Variants in LDB2 observed in about 807,000 individuals in gnomAD.
The protein encoded by LDB2 is LIM domain binding 2.
In LDB2, 12 loss-of-function variants were observed where a neutral mutation model predicts 44.3. The ratio of observed to expected loss-of-function variants is 0.27; its 90% confidence interval spans 0.17 to 0.44. LDB2 has a LOEUF of 0.44. LDB2 is among the 20% of genes least tolerant of loss of function. The probability of loss-of-function intolerance (pLI) is 1.00; values close to 1 mark genes in which losing one functional copy is unlikely to be tolerated. For missense variants in LDB2, 344 were observed against 473.5 expected (o/e 0.73, Z 2.54); for synonymous variants, 164 against 174.8 (o/e 0.94, Z 0.49).
chr4:16,865,409 G>A (rs940132117), intron 1 of LDB2, among the ~76,000 whole-genome samples: 13 of 152,136 alleles, frequency 8.5e-5, no homozygotes, highest in African/African-American at 2.7e-4. Context: ...GCATGGGAAC[G>A]TTCCCTGCGA....
intron 2 of LDB2, among the ~76,000 whole-genome samples, chr4:16,643,751 G>A (rs796419243): frequency 1.4e-4 from 17 of 124,522 alleles, no homozygotes; most frequent in African/African-American, 6.2e-4. Context: ...CGTAATTAAC[G>A]TTGTTTAAAT....
intron 3 of LDB2, among the ~76,000 whole-genome samples, chr4:16,591,682 T>C (rs1719011236): frequency 6.6e-6 from 1 of 152,170 alleles, no homozygotes; most frequent in African/African-American, 2.4e-5. Flanking sequence ...GGCTTTGTGA[T>C]TTGTTTTACA....
intron 2 of LDB2, among the ~76,000 whole-genome samples, chr4:16,675,356 T>C (rs1321471034): frequency 1.3e-5 from 2 of 152,214 alleles, no homozygotes; most frequent in African/African-American, 4.8e-5. Flanking sequence ...TGTCCTCATG[T>C]GACTTCAATA....
At chr4:16,778,913 G>GC (rs1385914744) in intron 1 of LDB2, among the ~76,000 whole-genome samples, 1 of 152,136 alleles carries the variant, frequency 6.6e-6, no homozygotes, top group Non-Finnish European at 1.5e-5. Flanking sequence ...TGGTTTAAGG[G>GC]CCCTTCCAGT....
chr4:16,710,985 C>G (rs1755741295), intron 2 of LDB2, among the ~76,000 whole-genome samples: 1 of 152,208 alleles, frequency 6.6e-6, no homozygotes, highest in Admixed American at 6.5e-5. Context: ...CCCCACAAAT[C>G]TAAGGTATTC....
At chr4:16,800,013 C>T (rs761046815) in intron 1 of LDB2, among the ~76,000 whole-genome samples, 1 of 151,686 alleles carries the variant, frequency 6.6e-6, no homozygotes, top group Non-Finnish European at 1.5e-5. Context: ...TATTATATAC[C>T]GAGGCCCAGT....
chr4:16,626,030 G>A (rs1469568426), intron 2 of LDB2, among the ~76,000 whole-genome samples: 1 of 152,168 alleles, frequency 6.6e-6, no homozygotes, highest in Non-Finnish European at 1.5e-5. Flanking sequence ...AAGGCCACTA[G>A]GTAGAGGGCA....
At chr4:16,767,259 A>G (rs962573194) in intron 1 of LDB2, among the ~76,000 whole-genome samples, 1 of 152,238 alleles carries the variant, frequency 6.6e-6, no homozygotes, top group African/African-American at 2.4e-5. Context: ...AAAAAGATGC[A>G]AAAATGGAGT....
chr4:16,682,980 T>C (rs939974161), intron 2 of LDB2, among the ~76,000 whole-genome samples: 5 of 152,242 alleles, frequency 3.3e-5, no homozygotes, highest in Admixed American at 6.5e-5. Flanking sequence ...CTCTGGGACA[T>C]GTCCTTTAAT....
chr4:16,654,446 C>T (rs931834146), intron 2 of LDB2, among the ~76,000 whole-genome samples: 2 of 152,160 alleles, frequency 1.3e-5, no homozygotes, highest in Non-Finnish European at 2.9e-5. Context: ...CAGCCCCATC[C>T]TTATGGAGTT....
At chr4:16,690,481 G>GGAAGGAA (rs1404978312) in intron 2 of LDB2, among the ~76,000 whole-genome samples, 1 of 17,078 alleles carries the variant, frequency 5.9e-5, no homozygotes, top group Non-Finnish European at 1.6e-4. Flanking sequence ...AAGGAAGGAA[G>GGAAGGAA]GGAGGGAGGG....
chr4:16,820,204 A>G (rs1781680861), intron 1 of LDB2, among the ~76,000 whole-genome samples: 1 of 152,172 alleles, frequency 6.6e-6, no homozygotes, highest in Admixed American at 6.5e-5. Flanking sequence ...AGACTTTTAA[A>G]TTTCTTTTCT....
chr4:16,821,382 T>TAC (rs201172229), intron 1 of LDB2, among the ~76,000 whole-genome samples: 1 of 21,664 alleles, frequency 4.6e-5, no homozygotes. Context: ...TTGAATTTTT[T>TAC]TTTTATTTTT....
intron 2 of LDB2, among the ~76,000 whole-genome samples, chr4:16,659,505 TTTTAA>T (rs754345649): frequency 5.4e-4 from 82 of 152,160 alleles, no homozygotes; most frequent in Admixed American, 3.1e-3. Flanking sequence ...GTTTTCTAAC[TTTTAA>T]TTTGTTTTAA....
chr4:16,760,286 TCTCTTCTTCCC>T (rs1220542629), intron 1 of LDB2, among the ~76,000 whole-genome samples: 1 of 152,174 alleles, frequency 6.6e-6, no homozygotes, highest in African/African-American at 2.4e-5. Flanking sequence ...ACCACAAGCC[TCTCTTCTTCCC>T]ATTAAGTTGC....
intron 2 of LDB2, among the ~76,000 whole-genome samples, chr4:16,637,098 T>C (rs1480454397): frequency 6.6e-6 from 1 of 152,160 alleles, no homozygotes; most frequent in Admixed American, 6.5e-5. Flanking sequence ...ACTGTCTTCT[T>C]GCTGTAAATC....
At position 16,627,090 on chromosome 4, in the gene LDB2, C is replaced by A. The variant is rs566129714; in HGVS notation, c.236-31215G>T. On this transcript the variant is annotated intron_variant, in intron 2 of 7. Transcript: ENST00000304523. ...CCACTCTCAACGCCTCCTTCCCCAA[C>A]GGCTGCATATTCATAGTCAGGGCTT... 4 of 152,206 alleles carry A rather than the reference C, an allele frequency of 2.6e-5. No individual in the cohort carries two copies. In the South Asian group the frequency reaches 6.2e-4, roughly 24 times the overall value. 9.4% of individuals were successfully genotyped at this position (152,206 alleles called of 1,614,324 possible). A position where few individuals can be genotyped will look rare whatever the true frequency, so the allele number is the denominator to read the frequency against.
chr4:16,561,910 C>G (rs546814155), intron 5 of LDB2, among the ~76,000 whole-genome samples: 1 of 151,998 alleles, frequency 6.6e-6, no homozygotes, highest in East Asian at 1.9e-4. Flanking sequence ...TCAGAAATAA[C>G]GCCACATATC....
chr4:16,649,202 C>T (rs546961509), intron 2 of LDB2, among the ~76,000 whole-genome samples: 2 of 152,278 alleles, frequency 1.3e-5, no homozygotes, highest in South Asian at 2.1e-4. Flanking sequence ...ATTTGGCTTT[C>T]AGGGTAAGCT....
Sources: allele counts gnomAD v4.1 joint callset (sites outside exome capture counted in the v4.1 genomes callset), GRCh38; gene constraint gnomAD v4.1.1; transcripts MANE v1.5; gene names NCBI Gene and HGNC (gene_info 2026-07-23, HGNC 2026-07-21).